The following ARSB variants were observed in gnomAD, a reference collection of about 807,000 sequenced individuals.
The protein encoded by ARSB is N-acetylgalactosamine-4-sulfatase.
A neutral mutation model predicts 50.9 loss-of-function variants in ARSB; 41 were observed. The ratio of observed to expected loss-of-function variants is 0.81; its 90% CI spans 0.63 to 1.04. ARSB has a LOEUF of 1.04. Among genes scored for constraint, ARSB ranks in the 50% least tolerant of loss-of-function variants. The pLI, the probability that ARSB is intolerant of heterozygous loss-of-function variation, is 0.00. For missense variants in ARSB, 672 were observed against 693.3 expected (o/e 0.97, Z 0.35); for synonymous variants, 269 against 284.8 (o/e 0.94, Z 0.56).
chr5:78,968,079 T>C (rs1393685742), intron 2 of ARSB, among the ~76,000 whole-genome samples: 1 of 152,066 alleles, frequency 6.6e-6, no homozygotes, highest in African/African-American at 2.4e-5. Context: ...AAAATACTTA[T>C]TATTATTTCT....
At chr5:78,921,896 G>C (rs1350762738) in intron 4 of ARSB, among the ~76,000 whole-genome samples, 1 of 152,182 alleles carries the variant, frequency 6.6e-6, no homozygotes, top group Non-Finnish European at 1.5e-5. Flanking sequence ...GACAGAATCT[G>C]TGTTCTTGGG....
At chr5:78,932,244 G>A (rs938145989) in intron 4 of ARSB, among the ~76,000 whole-genome samples, 7 of 152,240 alleles carry the variant, frequency 4.6e-5, no homozygotes, top group Admixed American at 3.9e-4. Flanking sequence ...TATTATGTCA[G>A]ATACCGCTTT....
chr5:78,840,023 G>A (rs761755064), intron 5 of ARSB, among the ~76,000 whole-genome samples: 2 of 152,140 alleles, frequency 1.3e-5, no homozygotes, highest in Non-Finnish European at 1.5e-5. Context: ...CTTGGAGATC[G>A]CTTAGTTCAA....
chr5:78,877,889 C>A (rs1317115578), intron 5 of ARSB, among the ~76,000 whole-genome samples: 1 of 152,028 alleles, frequency 6.6e-6, no homozygotes, highest in Non-Finnish European at 1.5e-5. Context: ...TAACTGTATT[C>A]TATATGTTCA....
intron 5 of ARSB, among the ~76,000 whole-genome samples, chr5:78,865,041 G>A (rs936797354): frequency 1.3e-5 from 2 of 152,162 alleles, no homozygotes; most frequent in Non-Finnish European, 2.9e-5. Context: ...CCAGGTGCAT[G>A]GTGCAAGCTG....
At chr5:78,879,979 TAA>T (rs10713151) in intron 5 of ARSB, among the ~76,000 whole-genome samples, 59 of 149,204 alleles carry the variant, frequency 4.0e-4, no homozygotes, top group Middle Eastern at 6.8e-3. Context: ...TACTTTTAAA[TAA>T]AAAAAAAAAA....
At chr5:78,868,599 G>A (rs1356762706) in intron 5 of ARSB, among the ~76,000 whole-genome samples, 1 of 147,358 alleles carries the variant, frequency 6.8e-6, no homozygotes, top group Non-Finnish European at 1.5e-5. Flanking sequence ...ATACTTTACA[G>A]ACAAGCAAAT....
intron 5 of ARSB, among the ~76,000 whole-genome samples, chr5:78,862,231 C>T (rs1473728493): frequency 4.6e-5 from 7 of 152,154 alleles, no homozygotes; most frequent in Non-Finnish European, 4.4e-5. Flanking sequence ...CATCAAGCTA[C>T]CAATGACTTT....
chr5:78,946,909 C>T (rs373338162), intron 4 of ARSB, among the ~76,000 whole-genome samples: 148 of 152,044 alleles, frequency 9.7e-4, no homozygotes, highest in South Asian at 4.0e-3. Context: ...CAAAACAGCA[C>T]GGTACTAGCA....
At chr5:78,948,588 A>T (rs1266500059) in intron 4 of ARSB, among the ~76,000 whole-genome samples, 1 of 152,210 alleles carries the variant, frequency 6.6e-6, no homozygotes, top group Non-Finnish European at 1.5e-5. Flanking sequence ...CAGTAAGAAC[A>T]TGGAAAGCAG....
chr5:78,927,235 T>C (rs1750096928), intron 4 of ARSB, among the ~76,000 whole-genome samples: 1 of 152,218 alleles, frequency 6.6e-6, no homozygotes, highest in Admixed American at 6.5e-5. Flanking sequence ...CAATATGTAA[T>C]TCATATAAAA....
At chr5:78,983,409 A>T (rs1259131400) in intron 1 of ARSB, among the ~76,000 whole-genome samples, 1 of 152,148 alleles carries the variant, frequency 6.6e-6, no homozygotes, top group Non-Finnish European at 1.5e-5. Flanking sequence ...GTTGGAAGGG[A>T]GGAAGTTGGA....
intron 6 of ARSB, among the ~76,000 whole-genome samples, chr5:78,810,086 T>C (rs1743749621): frequency 6.6e-6 from 1 of 152,214 alleles, no homozygotes; most frequent in African/African-American, 2.4e-5. Context: ...GTTCTCCTAA[T>C]CTCCATTCAC....
At chr5:78,977,363 A>T (rs145129667) in intron 1 of ARSB, among the ~76,000 whole-genome samples, 10,784 of 152,220 alleles carry the variant, frequency 0.071, 546 homozygotes, top group Non-Finnish European at 0.11. Flanking sequence ...CATGTTGGCC[A>T]GGCTGGTCTC....
intron 5 of ARSB, among the ~76,000 whole-genome samples, chr5:78,853,403 T>A (rs896441551): frequency 6.6e-6 from 1 of 152,320 alleles, no homozygotes; most frequent in East Asian, 1.9e-4. Flanking sequence ...TGCTGTCTGA[T>A]CATTCCTCTG....
chr5:78,983,891 C>A (rs981501378), intron 1 of ARSB, among the ~76,000 whole-genome samples: 1 of 152,140 alleles, frequency 6.6e-6, no homozygotes, highest in African/African-American at 2.4e-5. Context: ...GCACAGTAAG[C>A]TCAAAATATT....
rs763704739 is a variant in ARSB, at chr5:78,969,225, T to C, written c.313-33A>G. On this transcript the variant is annotated intron_variant, in intron 1 of 7. Coordinates refer to ENST00000264914, the MANE Select transcript of ARSB (RefSeq NM_000046.5). ...AGATAAACATAAAATTATAGATTAA[T>C]GACATTGAAATATTGTGAACAAGCA... 6.2e-6 allele frequency: 10 copies of C among 1,609,558 alleles called. No homozygotes were observed. The African/African-American group carries it at 6.7e-5, about 11-fold the overall frequency.
chr5:78,867,559 C>G (rs1399136777), intron 5 of ARSB, among the ~76,000 whole-genome samples: 1 of 152,014 alleles, frequency 6.6e-6, no homozygotes, highest in Non-Finnish European at 1.5e-5. Flanking sequence ...CAGGGGCACA[C>G]TGACACCTCA....
chr5:78,926,660 G>A (rs1253256355), intron 4 of ARSB, among the ~76,000 whole-genome samples: 1 of 152,084 alleles, frequency 6.6e-6, no homozygotes, highest in Non-Finnish European at 1.5e-5. Context: ...CTTTTGCCTT[G>A]AAGACTCTTA....
Sources: allele counts gnomAD v4.1 joint callset (sites outside exome capture counted in the v4.1 genomes callset), GRCh38; gene constraint gnomAD v4.1.1; transcripts MANE v1.5; gene names NCBI Gene and HGNC (gene_info 2026-07-23, HGNC 2026-07-21).